PALM2AKAP2: variants seen among roughly 807,000 people sequenced by gnomAD.
The protein encoded by PALM2AKAP2 is PALM2 and AKAP2 fusion, also known as PALM2-AKAP2 fusion protein.
A neutral mutation model predicts 71.5 loss-of-function variants in PALM2AKAP2; 37 were observed. The ratio of observed to expected loss-of-function variants is 0.52; its 90% CI spans 0.40 to 0.68. The LOEUF (loss-of-function observed/expected upper bound fraction) is 0.68, where lower values mean the gene tolerates loss of function less well. Ranked by LOEUF, PALM2AKAP2 falls within the 30% of genes least tolerant of loss-of-function variation. The pLI, the probability that PALM2AKAP2 is intolerant of heterozygous loss-of-function variation, is 0.00. For synonymous variants in PALM2AKAP2, 468 were observed against 478.8 expected, an observed-to-expected ratio of 0.98 and a Z score of 0.29; for missense variants, 1,224 against 1,191.8, an observed-to-expected ratio of 1.03 and a Z score of -0.40.
At chr9:109,715,517 A>G (rs141501288) in intron 1 of PALM2AKAP2, among the ~76,000 whole-genome samples, 61 of 152,192 alleles carry the variant, frequency 4.0e-4, no homozygotes, top group African/African-American at 1.3e-3. Flanking sequence ...TTCTGACTAC[A>G]TGTGAGCATT....
chr9:109,980,503 A>G (rs1181707482), intron 6 of PALM2AKAP2, among the ~76,000 whole-genome samples: 1 of 152,212 alleles, frequency 6.6e-6, no homozygotes, highest in Admixed American at 6.5e-5. Context: ...TGGAGGCCTC[A>G]TCGTACACCA....
At chr9:110,101,980 T>A (rs565007809) in intron 1 of PALM2AKAP2, among the ~76,000 whole-genome samples, 1 of 152,338 alleles carries the variant, frequency 6.6e-6, no homozygotes, top group Non-Finnish European at 1.5e-5. Flanking sequence ...CACTGCACTG[T>A]GCATGTTGCA....
intron 1 of PALM2AKAP2, among the ~76,000 whole-genome samples, chr9:110,097,573 C>A (rs1588107635): frequency 6.6e-6 from 1 of 150,658 alleles, no homozygotes; most frequent in African/African-American, 2.5e-5. Context: ...GGTGGCCGGG[C>A]AGAGACGCTC....
intron 1 of PALM2AKAP2, among the ~76,000 whole-genome samples, chr9:109,768,185 T>TA (rs1367362362): frequency 7.8e-6 from 1 of 128,850 alleles, no homozygotes; most frequent in East Asian, 2.3e-4. Flanking sequence ...CAGGAGGGAG[T>TA]AAAGCAGGCA....
intron 6 of PALM2AKAP2, among the ~76,000 whole-genome samples, chr9:110,014,807 T>TAAAAAAA (rs1832949031): frequency 3.2e-4 from 1 of 3,174 alleles, no homozygotes; most frequent in African/African-American, 5.7e-4. Context: ...AAAAAAAATG[T>TAAAAAAA]ATATATATAT....
At chr9:109,788,994 G>A (rs1416509619) in intron 1 of PALM2AKAP2, among the ~76,000 whole-genome samples, 1 of 152,152 alleles carries the variant, frequency 6.6e-6, no homozygotes, top group Admixed American at 6.5e-5. Context: ...CTTATCTCGG[G>A]AACTTGCTTT....
intron 1 of PALM2AKAP2, among the ~76,000 whole-genome samples, chr9:109,681,844 T>C (rs1587865609): frequency 6.6e-6 from 1 of 152,200 alleles, no homozygotes; most frequent in Non-Finnish European, 1.5e-5. Context: ...ATTATGAATT[T>C]TGATGTTTTC....
chr9:109,890,742 T>G (rs552860878), intron 3 of PALM2AKAP2, among the ~76,000 whole-genome samples: 15 of 152,304 alleles, frequency 9.8e-5, no homozygotes, highest in African/African-American at 3.6e-4. Context: ...GAGTACATAT[T>G]CAGTTAAACT....
chr9:109,847,468 G>GC (rs1828891988), intron 1 of PALM2AKAP2, among the ~76,000 whole-genome samples: 1 of 152,164 alleles, frequency 6.6e-6, no homozygotes, highest in Non-Finnish European at 1.5e-5. Flanking sequence ...TTCGATGGGC[G>GC]TGATGGCTCA....
chr9:109,909,157 C>T (rs182831440), intron 3 of PALM2AKAP2, among the ~76,000 whole-genome samples: 628 of 150,316 alleles, frequency 4.2e-3, no homozygotes, highest in African/African-American at 0.014. Flanking sequence ...TACACACGCG[C>T]GCACGCACAC....
At chr9:110,164,411 C>T (rs1399182379) in intron 3 of PALM2AKAP2, among the ~76,000 whole-genome samples, 2 of 151,872 alleles carry the variant, frequency 1.3e-5, no homozygotes, top group African/African-American at 4.8e-5. Context: ...ATTCCCTAAG[C>T]ATTAGAGAGA....
In PALM2AKAP2 at chr9:109,925,074, C is replaced by A. The variant is rs150674445; in HGVS notation, c.386C>A (p.Thr129Lys). Residue 129 changes from threonine (T) to lysine (K), a missense_variant, in exon 5 of 10, where the codon ACG becomes AAG. By Grantham distance (78) the Thr-to-Lys change is moderately conservative. Transcript: ENST00000302798. ...TTGTTCCTACAGGGTTTCTCCAGTA[C>A]GGATGGAGGTAAGTGCTCTCTGCCC... 111 of 1,613,894 alleles carry A rather than the reference C, an allele frequency of 6.9e-5. No homozygotes were observed. Among genetic ancestry groups the A allele is most frequent in the Non-Finnish European group, 9.4e-5 (111 of 1,179,996 alleles).
chr9:109,767,414 G>A (rs1037504516), intron 1 of PALM2AKAP2, among the ~76,000 whole-genome samples: 2 of 152,140 alleles, frequency 1.3e-5, no homozygotes, highest in Non-Finnish European at 2.9e-5. Flanking sequence ...GGCATCTTTG[G>A]AGGCTGTTGC....
intron 3 of PALM2AKAP2, 132 bp downstream of exon 3, chr9:109,880,813 C>CATTG: frequency 7.6e-7 from 1 of 1,323,200 alleles, no homozygotes; most frequent in Middle Eastern, 2.0e-4. Flanking sequence ...AAACAAAGCA[C>CATTG]ATTGATGTTG....
upstream of PALM2AKAP2, chr9:110,048,652 C>A (rs1234420795): frequency 6.8e-7 from 1 of 1,469,862 alleles, no homozygotes. Flanking sequence ...AGCAGGCGGG[C>A]GGGGCTCCCC....
chr9:109,944,710 A>C (rs1588025655), intron 6 of PALM2AKAP2: 1 of 152,218 alleles, frequency 6.6e-6, no homozygotes, highest in East Asian at 1.9e-4. Context: ...AGATTCCAGA[A>C]GAGCAAAGAA....
intron 6 of PALM2AKAP2, among the ~76,000 whole-genome samples, chr9:109,970,195 A>G (rs1832039539): frequency 1.3e-5 from 2 of 152,236 alleles, no homozygotes; most frequent in African/African-American, 4.8e-5. Context: ...GTACTTTTGT[A>G]AAGTACAATG....
chr9:109,794,297 G>A (rs2476915), intron 1 of PALM2AKAP2, among the ~76,000 whole-genome samples: 34,446 of 151,872 alleles, frequency 0.23, 4,280 homozygotes, highest in South Asian at 0.36. Context: ...TGATCTCTTA[G>A]GGTTAACAGT....
chr9:109,859,208 T>C (rs1829249142), intron 1 of PALM2AKAP2, among the ~76,000 whole-genome samples: 1 of 152,222 alleles, frequency 6.6e-6, no homozygotes, highest in Non-Finnish European at 1.5e-5. Flanking sequence ...CTTGACCATA[T>C]TGTTTCTATT....
Sources: gnomAD v4.1 joint callset for allele counts (sites outside exome capture counted in the v4.1 genomes callset) on GRCh38, gnomAD v4.1.1 for gene constraint, MANE v1.5 for transcripts, NCBI Gene and HGNC (gene_info 2026-07-23, HGNC 2026-07-21) for gene names.